The following TMEM150C variants were observed in gnomAD, a reference collection of about 807,000 sequenced individuals.
The protein encoded by TMEM150C is transmembrane protein 150C, also known as tentonin 3.
In TMEM150C, 10 loss-of-function variants were observed where a neutral mutation model predicts 29.9. That is an observed-to-expected ratio of 0.33 (90% CI 0.21 to 0.57). The LOEUF (loss-of-function observed/expected upper bound fraction) is 0.57. Among genes scored for constraint, TMEM150C ranks in the 20% least tolerant of loss-of-function variants. TMEM150C has a pLI of 0.88. For missense variants in TMEM150C, 251 were observed against 303.6 expected (o/e 0.83, Z 1.29); for synonymous variants, 101 against 112.5 (o/e 0.90, Z 0.64).
intron 6 of TMEM150C, among the ~76,000 whole-genome samples, chr4:82,491,914 C>T (rs1723363394): frequency 6.6e-6 from 1 of 150,940 alleles, no homozygotes; most frequent in Admixed American, 6.6e-5. Context: ...ACTGGCCCGT[C>T]TATGTAATGT....
chr4:82,497,391 G>A (rs1478770918), intron 5 of TMEM150C, among the ~76,000 whole-genome samples: 2 of 152,088 alleles, frequency 1.3e-5, no homozygotes, highest in African/African-American at 4.8e-5. Context: ...TTTGCTAAAG[G>A]TTTTACTTTG....
At position 82,484,849 on chromosome 4, in the gene TMEM150C, A is replaced by G. The variant is rs1723107455; in HGVS notation, c.*662T>C. 6.6e-6 allele frequency: 1 copy of G among 152,472 alleles called. No individual in the cohort carries two copies. The highest frequency in any genetic ancestry group is 1.5e-5 in the Non-Finnish European group (1 of 68,278). 9.4% of individuals were successfully genotyped at this position (152,472 alleles called of 1,614,324 possible). A position where few individuals can be genotyped will look rare whatever the true frequency, so the allele number is the denominator to read the frequency against. ...GTCCCTACACATATTCACATTTGGA[A>G]ATCATTCTCAGTCACAGTGCATCAA... On this transcript the variant is annotated 3_prime_UTR_variant, in exon 8 of 8. Transcript: ENST00000449862.
At chr4:82,512,886 A>C (rs1724173740) in intron 1 of TMEM150C, among the ~76,000 whole-genome samples, 1 of 152,240 alleles carries the variant, frequency 6.6e-6, no homozygotes, top group African/African-American at 2.4e-5. Flanking sequence ...TTATCAAAAA[A>C]CAAAAAGTGG....
chr4:82,519,678 C>T (rs1724421362), intron 1 of TMEM150C, among the ~76,000 whole-genome samples: 1 of 152,146 alleles, frequency 6.6e-6, no homozygotes, highest in African/African-American at 2.4e-5. Context: ...CCACCCGCCT[C>T]GGCCTCCCAA....
At chr4:82,553,353 G>C (rs148065368) in intron 1 of TMEM150C, among the ~76,000 whole-genome samples, 2 of 152,338 alleles carry the variant, frequency 1.3e-5, no homozygotes, top group Non-Finnish European at 2.9e-5. Flanking sequence ...GGATGAAACC[G>C]AAGTAAGCCT....
chr4:82,515,241 C>T (rs966201069), intron 1 of TMEM150C, among the ~76,000 whole-genome samples: 4 of 152,218 alleles, frequency 2.6e-5, no homozygotes, highest in Admixed American at 6.5e-5. Flanking sequence ...GGGTTCCTCA[C>T]TTAGCAGTGG....
At chr4:82,533,984 C>T (rs919587580) in intron 1 of TMEM150C, among the ~76,000 whole-genome samples, 4 of 152,112 alleles carry the variant, frequency 2.6e-5, no homozygotes, top group Non-Finnish European at 5.9e-5. Flanking sequence ...TCCCTAATCC[C>T]CTTTGAAATC....
intron 1 of TMEM150C, among the ~76,000 whole-genome samples, chr4:82,524,541 C>T (rs958441417): frequency 6.6e-6 from 1 of 152,128 alleles, no homozygotes; most frequent in African/African-American, 2.4e-5. Flanking sequence ...AAGTAATTGT[C>T]TTTATGATGT....
At chr4:82,560,154 C>T (rs540373332) in intron 1 of TMEM150C, among the ~76,000 whole-genome samples, 22 of 152,224 alleles carry the variant, frequency 1.4e-4, no homozygotes, top group African/African-American at 4.6e-4. Flanking sequence ...CAAATTATCC[C>T]CCCACAAAGC....
chr4:82,494,328 G>A (rs1448383162), intron 6 of TMEM150C, among the ~76,000 whole-genome samples: 1 of 152,146 alleles, frequency 6.6e-6, no homozygotes, highest in African/African-American at 2.4e-5. Flanking sequence ...TAATGGTATT[G>A]GCAAGGAAAA....
chr4:82,495,156 A>G, intron 6 of TMEM150C: 1 of 451,762 alleles, frequency 2.2e-6, no homozygotes, highest in Non-Finnish European at 3.8e-6. Context: ...GACACTGAAA[A>G]GTTTGACCAG....
chr4:82,503,647 G>A (rs534164734), intron 2 of TMEM150C, among the ~76,000 whole-genome samples: 13 of 152,146 alleles, frequency 8.5e-5, no homozygotes, highest in East Asian at 7.7e-4. Context: ...TCAGGAGATC[G>A]AGACCATCCT....
At chr4:82,508,841 T>A (rs1316150367) in intron 1 of TMEM150C, among the ~76,000 whole-genome samples, 1 of 152,126 alleles carries the variant, frequency 6.6e-6, no homozygotes, top group Non-Finnish European at 1.5e-5. Context: ...AGTAAAAAAA[T>A]TAAAGATAAT....
chr4:82,559,533 CGA>C (rs541561961), intron 1 of TMEM150C, among the ~76,000 whole-genome samples: 49 of 152,172 alleles, frequency 3.2e-4, no homozygotes, highest in African/African-American at 1.1e-3. Context: ...CCAGCCTGGG[CGA>C]GAGAGTGAGA....
At chr4:82,508,713 G>T (rs182765077) in intron 1 of TMEM150C, among the ~76,000 whole-genome samples, 1 of 152,222 alleles carries the variant, frequency 6.6e-6, no homozygotes, top group Admixed American at 6.5e-5. Flanking sequence ...TGATCAACCT[G>T]CCTTGGCCTC....
At chr4:82,511,752 C>T (rs1724134665) in intron 1 of TMEM150C, among the ~76,000 whole-genome samples, 1 of 152,194 alleles carries the variant, frequency 6.6e-6, no homozygotes, top group Admixed American at 6.5e-5. Context: ...TAGGCGTGAG[C>T]CACTGCGCCT....
chr4:82,496,427 G>C (rs1723560738), intron 5 of TMEM150C: 1 of 468,864 alleles, frequency 2.1e-6, no homozygotes, highest in East Asian at 3.5e-5. Flanking sequence ...TGATTATTTA[G>C]ATGTTTTATT....
At chr4:82,516,553 T>A (rs988668226) in intron 1 of TMEM150C, among the ~76,000 whole-genome samples, 10 of 152,080 alleles carry the variant, frequency 6.6e-5, no homozygotes. Flanking sequence ...ATTAAGGGAG[T>A]TAACATACAT....
intron 1 of TMEM150C, among the ~76,000 whole-genome samples, chr4:82,547,364 G>A (rs754134215): frequency 5.9e-5 from 9 of 152,026 alleles, no homozygotes; most frequent in South Asian, 2.1e-4. Flanking sequence ...CAAGGTGGGC[G>A]GATCATTTGA....
Sources: gnomAD v4.1 joint callset for allele counts (sites outside exome capture counted in the v4.1 genomes callset) on GRCh38, gnomAD v4.1.1 for gene constraint, MANE v1.5 for transcripts, NCBI Gene and HGNC (gene_info 2026-07-23, HGNC 2026-07-21) for gene names.